SHISA9: variants seen among roughly 807,000 people sequenced by gnomAD.
The protein encoded by SHISA9 is shisa family member 9, also known as protein shisa-9.
A neutral mutation model predicts 38.0 loss-of-function variants in SHISA9; 13 were observed. That is an observed-to-expected ratio of 0.34 (90% CI 0.22 to 0.54). SHISA9 has a LOEUF of 0.54. Among genes scored for constraint, SHISA9 ranks in the 20% least tolerant of loss-of-function variants. The probability of loss-of-function intolerance (pLI) is 0.91; values close to 1 mark genes in which losing one functional copy is unlikely to be tolerated. For missense variants in SHISA9, 538 were observed against 575.8 expected, an observed-to-expected ratio of 0.93 and a Z score of 0.67; for synonymous variants, 275 against 242.0, an observed-to-expected ratio of 1.14 and a Z score of -1.27.
chr16:12,992,792 A>G (rs2072405174), intron 2 of SHISA9, among the ~76,000 whole-genome samples: 1 of 152,182 alleles, frequency 6.6e-6, no homozygotes, highest in Non-Finnish European at 1.5e-5. Context: ...TGCATGTTTC[A>G]AAGGGCATGC....
chr16:13,025,558 A>G (rs1294108844), intron 2 of SHISA9, among the ~76,000 whole-genome samples: 1 of 152,096 alleles, frequency 6.6e-6, no homozygotes, highest in East Asian at 1.9e-4. Flanking sequence ...CTGGGTTGAA[A>G]TTCTTTAAAA....
downstream of SHISA9, among the ~76,000 whole-genome samples, chr16:13,243,396 T>A (rs1012880425): frequency 6.6e-6 from 1 of 152,104 alleles, no homozygotes; most frequent in African/African-American, 2.4e-5. Context: ...ATCAAGTACA[T>A]TTAAGAAATA....
intron 2 of SHISA9, among the ~76,000 whole-genome samples, chr16:13,106,391 C>A (rs2073925657): frequency 1.3e-5 from 2 of 152,132 alleles, no homozygotes; most frequent in South Asian, 4.1e-4. Context: ...AGCTCTGTGG[C>A]TTTGGGTGAC....
the SHISA9 span, among the ~76,000 whole-genome samples, chr16:13,558,497 T>TATCA: frequency 2.0e-5 from 3 of 152,218 alleles, no homozygotes; most frequent in African/African-American, 7.2e-5. Flanking sequence ...ACAACATTTT[T>TATCA]ATCAATCAAT....
At chr16:13,044,955 A>C (rs2073170190) in intron 2 of SHISA9, among the ~76,000 whole-genome samples, 1 of 152,234 alleles carries the variant, frequency 6.6e-6, no homozygotes, top group Non-Finnish European at 1.5e-5. Context: ...TCCAGGGCGC[A>C]GCTTGGTGCA....
the SHISA9 span, among the ~76,000 whole-genome samples, chr16:13,400,069 C>T: frequency 6.6e-6 from 1 of 152,190 alleles, no homozygotes; most frequent in East Asian, 1.9e-4. Context: ...ACTGTGAGTA[C>T]TTATTACTTT....
At chr16:13,049,959 G>A (rs1329013717) in intron 2 of SHISA9, among the ~76,000 whole-genome samples, 2 of 152,164 alleles carry the variant, frequency 1.3e-5, no homozygotes, top group African/African-American at 4.8e-5. Context: ...TTCAAGGATA[G>A]AGGATATATG....
the SHISA9 span, among the ~76,000 whole-genome samples, chr16:13,252,291 G>A: frequency 6.6e-6 from 1 of 152,168 alleles, no homozygotes; most frequent in African/African-American, 2.4e-5. Flanking sequence ...CTGGGACAAT[G>A]TCGTATCCCT....
At chr16:13,425,806 G>T in the SHISA9 span, among the ~76,000 whole-genome samples, 1 of 152,194 alleles carries the variant, frequency 6.6e-6, no homozygotes, top group East Asian at 1.9e-4. Context: ...TCATTTGAGA[G>T]TCGTTGTTAT....
the SHISA9 span, among the ~76,000 whole-genome samples, chr16:13,386,787 T>A: frequency 6.6e-6 from 1 of 152,232 alleles, no homozygotes; most frequent in Non-Finnish European, 1.5e-5. Context: ...CTCATTTTAA[T>A]TGTTATTGTA....
chr16:12,941,765 C>T (rs1046222219), intron 2 of SHISA9, among the ~76,000 whole-genome samples: 12 of 152,152 alleles, frequency 7.9e-5, no homozygotes, highest in African/African-American at 1.7e-4. Flanking sequence ...GCAGAAGAGT[C>T]GCTTGAACCC....
chr16:13,242,527 C>G (rs114164535), downstream of SHISA9, among the ~76,000 whole-genome samples: 3,230 of 152,280 alleles, frequency 0.021, 112 homozygotes, highest in African/African-American at 0.075. Context: ...GAGACAGGAA[C>G]TCTCATCATC....
rs538063779 is a variant in SHISA9 at position 13,175,592 on chromosome 16, G to C, written c.692-27802G>C. 2.6e-5 allele frequency among the ~76,000 whole-genome samples: 4 copies of C among 152,248 alleles called. No homozygotes were observed. The East Asian group carries it at 7.8e-4, about 30-fold the overall frequency. On this transcript the variant is annotated intron_variant, in intron 2 of 4. Coordinates refer to ENST00000558583, the MANE Select transcript of SHISA9 (RefSeq NM_001145204.3). The stretch of plus-strand genomic sequence containing the variant: ...CCAGGAAGAAGGTGAAGGTTACTGT[G>C]ACTTGTAAGAGAGGCAGGGCTGATT...
chr16:13,252,621 C>T, the SHISA9 span, among the ~76,000 whole-genome samples: 2 of 152,184 alleles, frequency 1.3e-5, no homozygotes, highest in African/African-American at 4.8e-5. Flanking sequence ...TTGCGCTGCT[C>T]ATGTCTCCTG....
intron 2 of SHISA9, among the ~76,000 whole-genome samples, chr16:13,056,059 C>T (rs1380806225): frequency 6.6e-6 from 1 of 152,188 alleles, no homozygotes; most frequent in Admixed American, 6.5e-5. Flanking sequence ...TGTAGGAGGG[C>T]AGAGACCCAG....
In SHISA9 at chr16:13,097,154, A is replaced by G. The variant is rs570510371; in HGVS notation, c.692-106240A>G. 6.7e-4 allele frequency among the ~76,000 whole-genome samples: 102 copies of G among 152,294 alleles called. 1 individual carries two copies. Among genetic ancestry groups the G allele is most frequent in the African/African-American group, 2.4e-3 (99 of 41,560 alleles). ...TAATACTAAATGGGTGAATGAGTGA[A>G]TCCCTATACAGAACCCCACAATGGT... On this transcript the variant is annotated intron_variant, in intron 2 of 4. Transcript: ENST00000558583.
chr16:13,264,170 C>CTTT, the SHISA9 span, among the ~76,000 whole-genome samples: 2 of 124,340 alleles, frequency 1.6e-5, no homozygotes, highest in African/African-American at 2.9e-5. Flanking sequence ...TGTTTTAAAT[C>CTTT]TTTTTTTTTT....
chr16:13,189,636 G>C (rs1036979178), intron 2 of SHISA9, among the ~76,000 whole-genome samples: 2 of 152,224 alleles, frequency 1.3e-5, no homozygotes, highest in African/African-American at 4.8e-5. Context: ...GGAGAGAAAG[G>C]AGAGAGAACG....
chr16:13,197,126 C>CACACACACACACACACAG lies in SHISA9; in HGVS notation c.692-6257_692-6256insCACACAGACACACACACA, dbSNP rs1441162397. Among the ~76,000 whole-genome samples, 456 of 150,232 alleles carry CACACACACACACACACAG rather than the reference C, an allele frequency of 3.0e-3. 2 individuals are homozygous for CACACACACACACACACAG. Among genetic ancestry groups the CACACACACACACACACAG allele is most frequent in the Middle Eastern group, 0.01 (3 of 294 alleles). On this transcript the variant is annotated intron_variant, in intron 2 of 4. Transcript: ENST00000558583. ...ACATACACACACACACACACACACA[C>CACACACACACACACACAG]ACACACACACATATATGTGTATATA...
Sources: allele counts gnomAD v4.1 joint callset (sites outside exome capture counted in the v4.1 genomes callset), GRCh38; gene constraint gnomAD v4.1.1; transcripts MANE v1.5; gene names NCBI Gene and HGNC (gene_info 2026-07-23, HGNC 2026-07-21).